Variants in LDLRAD3 observed in about 807,000 individuals in gnomAD.
LDLRAD3 encodes low-density lipoprotein receptor class A domain-containing protein 3.
LDLRAD3 carries 20 observed loss-of-function variants against 29.4 expected under a neutral mutation model. The ratio of observed to expected loss-of-function variants is 0.68; its 90% CI spans 0.48 to 0.99. The LOEUF is 0.99. Among genes scored for constraint, LDLRAD3 ranks in the 50% least tolerant of loss-of-function variants. The pLI, the probability that LDLRAD3 is intolerant of heterozygous loss-of-function variation, is 0.00. For synonymous variants in LDLRAD3, 157 were observed against 192.7 expected, an observed-to-expected ratio of 0.81 and a Z score of 1.53; for missense variants, 420 against 454.3, an observed-to-expected ratio of 0.92 and a Z score of 0.69.
At chr11:36,145,946 A>G (rs1209760295) in intron 4 of LDLRAD3, among the ~76,000 whole-genome samples, 10 of 149,220 alleles carry the variant, frequency 6.7e-5, no homozygotes, top group East Asian at 2.0e-4. Flanking sequence ...TCCCTCCACT[A>G]TTGTCCTGTG....
chr11:36,059,945 T>A (rs1269762071), intron 2 of LDLRAD3, among the ~76,000 whole-genome samples: 1 of 152,232 alleles, frequency 6.6e-6, no homozygotes, highest in African/African-American at 2.4e-5. Context: ...TTTACACTTA[T>A]GTAATGGAGA....
intron 2 of LDLRAD3, among the ~76,000 whole-genome samples, chr11:36,037,572 CA>C (rs1226976041): frequency 1.3e-5 from 2 of 152,210 alleles, no homozygotes; most frequent in East Asian, 3.9e-4. Context: ...CTCAGCCTCC[CA>C]AAGTGCTGGG....
intron 4 of LDLRAD3, among the ~76,000 whole-genome samples, chr11:36,116,172 A>G (rs546151546): frequency 4.6e-5 from 7 of 152,330 alleles, no homozygotes; most frequent in African/African-American, 1.7e-4. Context: ...CCATTCCCCT[A>G]TATAACCAGC....
intron 1 of LDLRAD3, among the ~76,000 whole-genome samples, chr11:35,982,379 C>T (rs989852798): frequency 2.7e-5 from 4 of 147,702 alleles, no homozygotes; most frequent in Admixed American, 1.3e-4. Context: ...CAAATATCCC[C>T]TCTTTATGAG....
intron 2 of LDLRAD3, 121 bp from the exon 3 acceptor site, chr11:36,081,532 C>A: frequency 7.5e-7 from 1 of 1,334,476 alleles, no homozygotes; most frequent in Non-Finnish European, 1.0e-6. Context: ...GAGAAGAAAG[C>A]TTCAAGGACT....
chr11:35,948,759 C>T (rs965738655), intron 1 of LDLRAD3, among the ~76,000 whole-genome samples: 10 of 151,954 alleles, frequency 6.6e-5, no homozygotes, highest in Non-Finnish European at 1.2e-4. Context: ...GGGTTAGTCT[C>T]GGGCAGGGTT....
intron 3 of LDLRAD3, among the ~76,000 whole-genome samples, chr11:36,082,637 G>A (rs1186243901): frequency 1.3e-5 from 2 of 149,940 alleles, no homozygotes; most frequent in African/African-American, 2.5e-5. Context: ...TTTACCTGCT[G>A]TATAATATTC....
intron 1 of LDLRAD3, among the ~76,000 whole-genome samples, chr11:36,033,420 C>T (rs761941461): frequency 6.6e-6 from 1 of 152,126 alleles, no homozygotes; most frequent in African/African-American, 2.4e-5. Flanking sequence ...GTCCATGTGC[C>T]GCCAGCCTTA....
chr11:36,168,428 A>G (rs548578840), intron 4 of LDLRAD3, among the ~76,000 whole-genome samples: 93 of 151,778 alleles, frequency 6.1e-4, no homozygotes, highest in Non-Finnish European at 1.1e-3. Context: ...AATTAAAGTT[A>G]TAATATTAAC....
chr11:36,069,392 A>G (rs759668061), intron 2 of LDLRAD3, among the ~76,000 whole-genome samples: 1 of 152,228 alleles, frequency 6.6e-6, no homozygotes, highest in Non-Finnish European at 1.5e-5. Context: ...TTACCAAATG[A>G]GCTAGAGGAC....
chr11:35,988,279 T>C (rs1181404927), intron 1 of LDLRAD3, among the ~76,000 whole-genome samples: 1 of 152,086 alleles, frequency 6.6e-6, no homozygotes, highest in Non-Finnish European at 1.5e-5. Flanking sequence ...AGGCTGGTCT[T>C]GAACTCCTGG....
intron 4 of LDLRAD3, among the ~76,000 whole-genome samples, chr11:36,133,728 A>G (rs959844765): frequency 3.3e-5 from 5 of 150,420 alleles, no homozygotes; most frequent in South Asian, 2.1e-4. Context: ...TAGTAGAAAC[A>G]GGGTTTCACC....
intron 1 of LDLRAD3, among the ~76,000 whole-genome samples, chr11:35,977,164 T>C (rs1851486884): frequency 6.6e-6 from 1 of 152,180 alleles, no homozygotes; most frequent in South Asian, 2.1e-4. Context: ...CTCCCCCTCT[T>C]ACTTGGTATT....
chr11:36,218,650 C>G (rs1176713910), intron 4 of LDLRAD3, among the ~76,000 whole-genome samples: 7 of 152,126 alleles, frequency 4.6e-5, no homozygotes. Context: ...CAAGACAACC[C>G]CAAGTTTTCA....
chr11:36,117,959 G>T (rs1853697912), intron 4 of LDLRAD3, among the ~76,000 whole-genome samples: 1 of 152,224 alleles, frequency 6.6e-6, no homozygotes, highest in Admixed American at 6.5e-5. Flanking sequence ...TTTGGAGCTA[G>T]AAGAGTTGCC....
intron 4 of LDLRAD3, chr11:36,197,995 G>A (rs150812658): frequency 6.6e-6 from 1 of 152,210 alleles, no homozygotes; most frequent in East Asian, 1.9e-4. Flanking sequence ...AGGCTGCAGT[G>A]AGCTATGTTT....
In LDLRAD3 at chr11:36,187,557, A is replaced by G. The variant is rs149017179; in HGVS notation, c.455-39528A>G. On this transcript the variant is annotated intron_variant, in intron 4 of 5. Coordinates refer to ENST00000315571, the MANE Select transcript of LDLRAD3 (RefSeq NM_174902.4). ...TAACCACTCTTTTTTCCGTATTTCT[A>G]ACTTTAGTCAAGGTGGACATACAGC... Among the ~76,000 whole-genome samples, 47 of 152,274 alleles carry G rather than the reference A, an allele frequency of 3.1e-4. 2 individuals are homozygous for G. The East Asian group carries it at 4.4e-3, about 14-fold the overall frequency.
chr11:36,161,668 C>T (rs972060749), intron 4 of LDLRAD3, among the ~76,000 whole-genome samples: 7 of 152,132 alleles, frequency 4.6e-5, no homozygotes, highest in East Asian at 1.9e-4. Context: ...TACAGAAGAG[C>T]GGTAAGATAC....
At chr11:36,026,961 T>G (rs1796378212) in intron 1 of LDLRAD3, among the ~76,000 whole-genome samples, 1 of 152,292 alleles carries the variant, frequency 6.6e-6, no homozygotes, top group South Asian at 2.1e-4. Flanking sequence ...CTTTTATTCT[T>G]TTGCTTTCTT....
Sources: allele counts gnomAD v4.1 joint callset (sites outside exome capture counted in the v4.1 genomes callset), GRCh38; gene constraint gnomAD v4.1.1; transcripts MANE v1.5; gene names NCBI Gene and HGNC (gene_info 2026-07-23, HGNC 2026-07-21).